RALYL: variants seen among roughly 807,000 people sequenced by gnomAD.
The protein encoded by RALYL is RNA-binding Raly-like protein.
A neutral mutation model predicts 35.1 loss-of-function variants in RALYL; 29 were observed. That is an observed-to-expected ratio of 0.83 (90% CI 0.61 to 1.13). RALYL has a LOEUF of 1.13. Among genes scored for constraint, RALYL ranks in the 50% most tolerant of loss-of-function variants. The pLI, the probability that RALYL is intolerant of heterozygous loss-of-function variation, is 0.00. For missense variants in RALYL, 359 were observed against 360.4 expected, an observed-to-expected ratio of 1.00 and a Z score of 0.03; for synonymous variants, 120 against 127.6, an observed-to-expected ratio of 0.94 and a Z score of 0.40.
chr8:84,433,083 A>T (rs1228069866), intron 1 of RALYL, among the ~76,000 whole-genome samples: 1 of 152,176 alleles, frequency 6.6e-6, no homozygotes, highest in Admixed American at 6.6e-5. Flanking sequence ...ATATAGTCTA[A>T]TAGTGGGGAA....
chr8:84,309,115 G>A (rs1842308835), intron 1 of RALYL, among the ~76,000 whole-genome samples: 1 of 151,114 alleles, frequency 6.6e-6, no homozygotes, highest in South Asian at 2.1e-4. Context: ...ATATTAAATA[G>A]AACAAAATCA....
At chr8:84,439,608 C>T (rs184332713) in intron 1 of RALYL, among the ~76,000 whole-genome samples, 7 of 152,002 alleles carry the variant, frequency 4.6e-5, no homozygotes, top group African/African-American at 1.4e-4. Context: ...TTATTTTCTG[C>T]GTCATGGAGA....
chr8:84,628,001 T>C (rs1213542507), intron 2 of RALYL, among the ~76,000 whole-genome samples: 2 of 152,112 alleles, frequency 1.3e-5, no homozygotes, highest in Non-Finnish European at 2.9e-5. Context: ...TCTTTTGCCG[T>C]CTTTCAATCT....
intron 2 of RALYL, among the ~76,000 whole-genome samples, chr8:84,659,530 T>C (rs191689776): frequency 1.2e-4 from 18 of 152,246 alleles, no homozygotes; most frequent in Non-Finnish European, 2.4e-4. Flanking sequence ...TGAGGCCCGC[T>C]CTTCCTTAAA....
At chr8:84,691,873 C>T (rs1017986549) in intron 2 of RALYL, among the ~76,000 whole-genome samples, 1 of 151,932 alleles carries the variant, frequency 6.6e-6, no homozygotes, top group African/African-American at 2.4e-5. Context: ...AAATCAAATG[C>T]AGTGATTCAT....
chr8:84,468,459 T>C (rs2052097504), intron 1 of RALYL, among the ~76,000 whole-genome samples: 1 of 150,030 alleles, frequency 6.7e-6, no homozygotes, highest in Non-Finnish European at 1.5e-5. Context: ...TTTAAGAATG[T>C]TGAACATTGG....
intron 2 of RALYL, among the ~76,000 whole-genome samples, chr8:84,620,133 G>C (rs1429504862): frequency 6.6e-6 from 1 of 152,114 alleles, no homozygotes; most frequent in African/African-American, 2.4e-5. Context: ...GAATCTGAAT[G>C]TTGGCCTGCC....
chr8:84,842,854 C>A (rs1361002548), intron 4 of RALYL, among the ~76,000 whole-genome samples: 1 of 152,106 alleles, frequency 6.6e-6, no homozygotes, highest in Non-Finnish European at 1.5e-5. Context: ...ATAAACAGAA[C>A]CGATGGCAAA....
At chr8:84,438,946 C>CT (rs35901188) in intron 1 of RALYL, among the ~76,000 whole-genome samples, 69,938 of 149,638 alleles carry the variant, frequency 0.47, 16,267 homozygotes, top group Middle Eastern at 0.55. Flanking sequence ...GTCTATGTAT[C>CT]TTTTTTTTTT....
intron 1 of RALYL, among the ~76,000 whole-genome samples, chr8:84,387,751 T>G (rs937514070): frequency 6.6e-6 from 1 of 151,592 alleles, no homozygotes; most frequent in African/African-American, 2.4e-5. Context: ...CAGAATCTCC[T>G]TCTGCAGTTC....
intron 2 of RALYL, among the ~76,000 whole-genome samples, chr8:84,693,451 A>G (rs886152104): frequency 4.6e-5 from 7 of 152,060 alleles, no homozygotes; most frequent in Non-Finnish European, 7.4e-5. Flanking sequence ...CATGGAAGTA[A>G]CTGCCCCATG....
chr8:84,259,641 AAT>A (rs1364400339), intron 1 of RALYL, among the ~76,000 whole-genome samples: 2 of 152,194 alleles, frequency 1.3e-5, no homozygotes, highest in Admixed American at 1.3e-4. Flanking sequence ...TTCATTAAAT[AAT>A]ATGTTTTTCC....
chr8:84,615,339 G>GAA lies in RALYL; in HGVS notation c.256+85774_256+85775dup, dbSNP rs35836998. On this transcript the variant is annotated intron_variant, in intron 2 of 8. Transcript: ENST00000521268. ...TTCCTGCTATCATGTTAAATACATT[G>GAA]AAAAAAAAAAAAACAGAACGTCCTT... Among the ~76,000 whole-genome samples the GAA allele has an allele frequency of 4.1e-3, 569 of 140,128 alleles. 12 individuals carry two copies. The highest frequency in any genetic ancestry group is 0.013 in the South Asian group (59 of 4,372). The allele number at this position is 140,128 out of a possible 152,430, so 91.9% of individuals were successfully genotyped here. A position where few individuals can be genotyped will look rare whatever the true frequency, so the allele number is the denominator to read the frequency against.
At chr8:84,462,601 AT>A (rs10667055) in intron 1 of RALYL, among the ~76,000 whole-genome samples, 1,607 of 136,726 alleles carry the variant, frequency 0.012, 18 homozygotes, top group East Asian at 0.022. Flanking sequence ...ATCTAGATTC[AT>A]TTTTTTTTTT....
At chr8:84,261,707 G>A (rs1426416028) in intron 1 of RALYL, among the ~76,000 whole-genome samples, 2 of 151,990 alleles carry the variant, frequency 1.3e-5, no homozygotes, top group Non-Finnish European at 2.9e-5. Flanking sequence ...CAAATCATCT[G>A]AGCTTGCTTT....
chr8:84,428,098 TCTCTCTCTCACA>T (rs1361463716), intron 1 of RALYL, among the ~76,000 whole-genome samples: 4 of 135,962 alleles, frequency 2.9e-5, no homozygotes, highest in African/African-American at 1.1e-4. Context: ...TCTCTCTCTC[TCTCTCTCTCACA>T]CACACACACA....
At chr8:84,698,780 C>T (rs1839638951) in intron 2 of RALYL, among the ~76,000 whole-genome samples, 1 of 152,046 alleles carries the variant, frequency 6.6e-6, no homozygotes, top group African/African-American at 2.4e-5. Context: ...GCAGTGTGTA[C>T]AATAGGATAC....
At chr8:84,307,767 G>C (rs758046636) in intron 1 of RALYL, among the ~76,000 whole-genome samples, 29 of 152,194 alleles carry the variant, frequency 1.9e-4, no homozygotes, top group East Asian at 1.9e-4. Context: ...AAAGATGCAG[G>C]GCACAAATTG....
At chr8:84,385,696 G>A (rs761521350) in intron 1 of RALYL, among the ~76,000 whole-genome samples, 4 of 151,832 alleles carry the variant, frequency 2.6e-5, no homozygotes, top group East Asian at 1.9e-4. Flanking sequence ...ATAGGTTTAC[G>A]AATTACCTTT....
Sources: allele counts gnomAD v4.1 joint callset (sites outside exome capture counted in the v4.1 genomes callset), GRCh38; gene constraint gnomAD v4.1.1; transcripts MANE v1.5; gene names NCBI Gene and HGNC (gene_info 2026-07-23, HGNC 2026-07-21).